The following LSAMP variants were observed in gnomAD, a reference collection of about 807,000 sequenced individuals.
LSAMP encodes limbic system associated membrane protein.
In LSAMP, 7 loss-of-function variants were observed where a neutral mutation model predicts 38.6. The ratio of observed to expected loss-of-function variants is 0.18; its 90% CI spans 0.10 to 0.34. LSAMP has a LOEUF of 0.34. Ranked by LOEUF, LSAMP falls within the 10% of genes least tolerant of loss-of-function variation. The probability of loss-of-function intolerance (pLI) is 1.00; values close to 1 mark genes in which losing one functional copy is unlikely to be tolerated. For missense variants in LSAMP, 313 were observed against 420.0 expected (o/e 0.75, Z 2.23); for synonymous variants, 154 against 166.8 (o/e 0.92, Z 0.59).
chr3:116,260,849 G>C (rs1395473422), intron 1 of LSAMP, among the ~76,000 whole-genome samples: 1 of 152,142 alleles, frequency 6.6e-6, no homozygotes, highest in East Asian at 1.9e-4. Flanking sequence ...CATTTCCTTT[G>C]GGAGATTTAG....
intron 1 of LSAMP, among the ~76,000 whole-genome samples, chr3:116,312,069 A>T (rs559680944): frequency 6.6e-6 from 1 of 152,106 alleles, no homozygotes; most frequent in Non-Finnish European, 1.5e-5. Flanking sequence ...GATATTTTTG[A>T]CTCAGTTCTA....
At chr3:116,113,586 C>T (rs997354480) in intron 1 of LSAMP, among the ~76,000 whole-genome samples, 9 of 150,580 alleles carry the variant, frequency 6.0e-5, no homozygotes, top group East Asian at 3.9e-4. Context: ...CCACTACGCC[C>T]GGCTAATTTT....
chr3:116,131,262 A>T (rs374960047), intron 1 of LSAMP, among the ~76,000 whole-genome samples: 4 of 152,016 alleles, frequency 2.6e-5, no homozygotes, highest in East Asian at 3.9e-4. Context: ...AAGAGCTGGG[A>T]TTACAGACGT....
At chr3:115,886,245 G>A (rs1936450455) in intron 3 of LSAMP, among the ~76,000 whole-genome samples, 1 of 151,924 alleles carries the variant, frequency 6.6e-6, no homozygotes, top group Non-Finnish European at 1.5e-5. Context: ...TGTTTTAACA[G>A]CTATCTGGGT....
At chr3:116,033,095 A>G (rs916075017) in intron 2 of LSAMP, among the ~76,000 whole-genome samples, 2 of 152,166 alleles carry the variant, frequency 1.3e-5, no homozygotes, top group African/African-American at 4.8e-5. Flanking sequence ...AATGGTGATA[A>G]TATTCATATG....
intron 1 of LSAMP, among the ~76,000 whole-genome samples, chr3:116,134,199 A>T (rs1391488965): frequency 6.6e-6 from 1 of 152,198 alleles, no homozygotes; most frequent in Non-Finnish European, 1.5e-5. Context: ...CTCTTTAAAA[A>T]TTCTCTTTGT....
intron 3 of LSAMP, among the ~76,000 whole-genome samples, chr3:115,985,405 G>C (rs1300624770): frequency 6.6e-6 from 1 of 152,122 alleles, no homozygotes; most frequent in Non-Finnish European, 1.5e-5. Context: ...TTGTGAGTTA[G>C]GCTACATGCT....
intron 1 of LSAMP, among the ~76,000 whole-genome samples, chr3:116,151,851 G>C (rs1709620103): frequency 6.6e-6 from 1 of 152,062 alleles, no homozygotes; most frequent in South Asian, 2.1e-4. Context: ...TACACGAAGA[G>C]GGTTGACTAG....
chr3:115,868,449 G>A (rs1935922750), intron 3 of LSAMP, among the ~76,000 whole-genome samples: 2 of 152,110 alleles, frequency 1.3e-5, no homozygotes, highest in Admixed American at 6.6e-5. Flanking sequence ...AGCAACTTAA[G>A]GATGAGAAGT....
Position 116,132,665 on chromosome 3 carries a change from C to T in LSAMP, c.156-46109G>A, listed in dbSNP as rs181604215. 1.1e-3 allele frequency among the ~76,000 whole-genome samples: 170 copies of T among 152,274 alleles called. 1 individual carries two copies. Among genetic ancestry groups the T allele is most frequent in the Middle Eastern group, 3.4e-3 (1 of 294 alleles). On this transcript the variant is annotated intron_variant, in intron 1 of 6. Coordinates refer to ENST00000490035, the MANE Select transcript of LSAMP (RefSeq NM_002338.5). ...ACAAATGTCTCCTTTTTCTTATTCT[C>T]TCCTTTTTCCCTTTAGTTCTCTCTC...
intron 3 of LSAMP, among the ~76,000 whole-genome samples, chr3:115,929,582 G>T (rs1280350391): frequency 1.3e-5 from 2 of 152,068 alleles, no homozygotes; most frequent in African/African-American, 4.8e-5. Context: ...TCTAAAATTT[G>T]TTGGCAGCAA....
chr3:115,900,435 G>C (rs1251465580), intron 3 of LSAMP, among the ~76,000 whole-genome samples: 1 of 144,788 alleles, frequency 6.9e-6, no homozygotes, highest in East Asian at 2.1e-4. Context: ...AGAAACTCTT[G>C]AACCCAGGAG....
At position 115,878,341 on chromosome 3, in the gene LSAMP, T is replaced by C. The variant is rs114905643; in HGVS notation, c.515-25724A>G. 8.0e-3 allele frequency among the ~76,000 whole-genome samples: 1,214 copies of C among 152,102 alleles called. 15 individuals are homozygous for C. Among genetic ancestry groups the C allele is most frequent in the African/African-American group, 0.027 (1,134 of 41,500 alleles). ...ATTTAAGAAACACAATGATGAAGTATTGTTGTTCTGGTTATAAAGAGTGAC... is the reference window on the plus strand; with the variant it reads ...ATTTAAGAAACACAATGATGAAGTACTGTTGTTCTGGTTATAAAGAGTGAC... On this transcript the variant is annotated intron_variant, in intron 3 of 6. Coordinates refer to ENST00000490035, the MANE Select transcript of LSAMP (RefSeq NM_002338.5).
intron 2 of LSAMP, among the ~76,000 whole-genome samples, chr3:116,064,556 G>A (rs1441641718): frequency 1.7e-4 from 26 of 149,526 alleles, no homozygotes; most frequent in Admixed American, 1.7e-3. Flanking sequence ...AATTTTCTTA[G>A]TGTGAAAAAG....
chr3:116,430,492 T>C lies in LSAMP; in HGVS notation c.155+14385A>G, dbSNP rs1057433501. Among the ~76,000 whole-genome samples the C allele has an allele frequency of 5.3e-5, 8 of 152,144 alleles. No homozygotes were observed. The South Asian group carries it at 6.2e-4, about 12-fold the overall frequency. Reference sequence around the variant, plus strand: ...TTTTTATTTTAATAATATTTCCTAATAGAGGTCTACTTAAATACTAAAATA... The same window carrying C: ...TTTTTATTTTAATAATATTTCCTAACAGAGGTCTACTTAAATACTAAAATA... On this transcript the variant is annotated intron_variant, in intron 1 of 6. Transcript: ENST00000490035.
chr3:115,827,982 C>T (rs945214880), intron 6 of LSAMP, among the ~76,000 whole-genome samples: 4 of 152,122 alleles, frequency 2.6e-5, no homozygotes, highest in Non-Finnish European at 5.9e-5. Flanking sequence ...TATCATGAGG[C>T]TGCAATGACT....
At chr3:116,136,489 C>A (rs76819297) in intron 1 of LSAMP, among the ~76,000 whole-genome samples, 2 of 151,920 alleles carry the variant, frequency 1.3e-5, no homozygotes, top group Non-Finnish European at 1.5e-5. Context: ...TTTATTAATT[C>A]GCTTGTGTAT....
intron 1 of LSAMP, among the ~76,000 whole-genome samples, chr3:116,266,101 A>T (rs1250161619): frequency 1.3e-5 from 2 of 152,154 alleles, no homozygotes; most frequent in Non-Finnish European, 2.9e-5. Flanking sequence ...ACAATTACTT[A>T]AAACTTCATA....
At chr3:115,849,839 G>C (rs1022868285) in intron 4 of LSAMP, among the ~76,000 whole-genome samples, 2 of 152,180 alleles carry the variant, frequency 1.3e-5, no homozygotes, top group African/African-American at 4.8e-5. Context: ...TTGGTAAAAG[G>C]TGATTCCAAA....
Sources: gnomAD v4.1 joint callset for allele counts (sites outside exome capture counted in the v4.1 genomes callset) on GRCh38, gnomAD v4.1.1 for gene constraint, MANE v1.5 for transcripts, NCBI Gene and HGNC (gene_info 2026-07-23, HGNC 2026-07-21) for gene names.